The following ARFGAP1 variants were observed in gnomAD, a reference collection of about 807,000 sequenced individuals.
ARFGAP1 encodes ADP-ribosylation factor GTPase-activating protein 1.
A neutral mutation model predicts 54.0 loss-of-function variants in ARFGAP1; 26 were observed. The ratio of observed to expected loss-of-function variants is 0.48; its 90% CI spans 0.35 to 0.67. ARFGAP1 has a LOEUF of 0.67. Among genes scored for constraint, ARFGAP1 ranks in the 30% least tolerant of loss-of-function variants. The pLI, the probability that ARFGAP1 is intolerant of heterozygous loss-of-function variation, is 0.00. For missense variants in ARFGAP1, 525 were observed against 535.8 expected, an observed-to-expected ratio of 0.98 and a Z score of 0.20; for synonymous variants, 248 against 211.9, an observed-to-expected ratio of 1.17 and a Z score of -1.48.
In ARFGAP1 at chr20:63,284,816, T is replaced by G. The variant is rs1343921197; in HGVS notation, c.718-50T>G. 4 of 1,607,680 alleles carry G rather than the reference T, an allele frequency of 2.5e-6. No individual in the cohort carries two copies. The African/African-American group carries it at 5.3e-5, about 21-fold the overall frequency. ...GGCCTGTGCTGCCACTGCCGACCCGTGTCCCGTGGTGGAGCTGTCGTGGGG... is the reference window on the plus strand; with the variant it reads ...GGCCTGTGCTGCCACTGCCGACCCGGGTCCCGTGGTGGAGCTGTCGTGGGG... On this transcript the variant is annotated intron_variant, in intron 9 of 12. Coordinates refer to ENST00000370283, the MANE Select transcript of ARFGAP1 (RefSeq NM_018209.4).
At chr20:63,286,155 G>C in intron 11 of ARFGAP1, 1 of 1,550,268 alleles carries the variant, frequency 6.5e-7, no homozygotes, top group East Asian at 2.4e-5. Flanking sequence ...GCACGAGGCT[G>C]TCCTCGCTGC....
Position 63,284,880 on chromosome 20 carries a change from C to A in ARFGAP1, c.732C>A (p.Gly244=), listed in dbSNP as rs2067485204. ...CCTTCCTACAGGCGTCCGAGCTGGG[C>A]CACAGCCTGAACGAGAACGTCCTCA... ...SQASQKASEL[G]HSLNENVLKP... is the part of the protein sequence containing the mutation. Residue 244 remains glycine (G), a synonymous_variant, in exon 10 of 13, where the codon GGC becomes GGA. Transcript: ENST00000370283. The A allele has an allele frequency of 6.2e-7, 1 of 1,612,912 alleles. No individual in the cohort carries two copies. Among genetic ancestry groups the A allele is most frequent in the South Asian group, 1.1e-5 (1 of 91,082 alleles).
At chr20:63,286,246 T>C in intron 11 of ARFGAP1, 120 bp from the exon 12 acceptor site, 2 of 1,555,534 alleles carry the variant, frequency 1.3e-6, no homozygotes, top group Admixed American at 3.8e-5. Context: ...ACCCCTTGTT[T>C]CTGGATTTTG....
intron 5 of ARFGAP1, among the ~76,000 whole-genome samples, chr20:63,277,641 C>A (rs1194080967): frequency 6.6e-6 from 1 of 152,186 alleles, no homozygotes; most frequent in Non-Finnish European, 1.5e-5. Context: ...CTGCCTGTGG[C>A]ACTGGCCCTG....
At position 63,288,619 on chromosome 20, in the gene ARFGAP1, G is replaced by T. The variant is rs761999875; in HGVS notation, c.*746G>T. The T allele has an allele frequency of 9.3e-6, 4 of 428,590 alleles. No individual in the cohort carries two copies. The highest frequency in any genetic ancestry group is 1.9e-5 in the Non-Finnish European group (4 of 210,728). The allele number at this position is 428,590 out of a possible 1,614,324, so 26.5% of individuals were successfully genotyped here. On this transcript the variant is annotated 3_prime_UTR_variant, in exon 13 of 13. Coordinates refer to ENST00000370283, the MANE Select transcript of ARFGAP1 (RefSeq NM_018209.4). ...AAAAAGGAGCGCAGGGTGGGCCCTCGGCCCTGATGCAGGAGGGTGCGATAG... is the reference window on the plus strand; with the variant it reads ...AAAAAGGAGCGCAGGGTGGGCCCTCTGCCCTGATGCAGGAGGGTGCGATAG...
chr20:63,281,501 A>G (rs1026753587), intron 8 of ARFGAP1, among the ~76,000 whole-genome samples, 154 bp downstream of exon 8: 3 of 152,194 alleles, frequency 2.0e-5, no homozygotes, highest in African/African-American at 7.2e-5. Flanking sequence ...AGTACCAGCC[A>G]GGGTGGTCCT....
At chr20:63,274,599 G>A (rs1229636782) in intron 1 of ARFGAP1, among the ~76,000 whole-genome samples, 1 of 152,014 alleles carries the variant, frequency 6.6e-6, no homozygotes. Flanking sequence ...TTCATATTGA[G>A]AGGTGGATGA....
At chr20:63,283,259 CTT>C (rs1421429826) in intron 9 of ARFGAP1, 1 of 251,762 alleles carries the variant, frequency 4.0e-6, no homozygotes, top group Non-Finnish European at 7.7e-6. Flanking sequence ...CGGAGCGTCT[CTT>C]TGCTCTGGCC....
At chr20:63,275,925 A>G (rs1168999092) in intron 2 of ARFGAP1, among the ~76,000 whole-genome samples, 166 bp from the exon 3 acceptor site, 5 of 151,886 alleles carry the variant, frequency 3.3e-5, no homozygotes, top group African/African-American at 4.8e-5. Context: ...CCATCTGAAC[A>G]TTTTATTACA....
Position 63,284,782 on chromosome 20 carries a change from CCCTTTGCTGG to C in ARFGAP1, c.718-80_718-71del. The C allele has an allele frequency of 1.9e-6, 3 of 1,578,878 alleles. No homozygotes were observed. In the South Asian group the frequency reaches 3.4e-5, roughly 18 times the overall value. On this transcript the variant is annotated intron_variant, in intron 9 of 12. Transcript: ENST00000370283. ...CCTCCTGCTGGTGAAGCTCGTGCTG[CCCTTTGCTGG>C]CCTGTGCTGCCACTGCCGACCCGTG...
chr20:63,278,877 C>T, intron 6 of ARFGAP1, 22 bp from the exon 7 acceptor site: 1 of 1,613,238 alleles, frequency 6.2e-7, no homozygotes, highest in Non-Finnish European at 8.5e-7. Flanking sequence ...CATCTTCGGC[C>T]TCTTGTCCGC....
In ARFGAP1 at chr20:63,289,541, CG is replaced by C. The variant is rs1412264397; in HGVS notation, c.*1670del. ...GGTGCCTTCCTCGGGGGTAGGGGGACGGCCCACTCTGCCCCAGGGAGTCCCT... is the reference window on the plus strand; with the variant it reads ...GGTGCCTTCCTCGGGGGTAGGGGGACGCCCACTCTGCCCCAGGGAGTCCCT... On this transcript the variant is annotated 3_prime_UTR_variant, in exon 13 of 13. Coordinates refer to ENST00000370283, the MANE Select transcript of ARFGAP1 (RefSeq NM_018209.4). The C allele has an allele frequency of 6.6e-6, 1 of 152,302 alleles. No individual in the cohort carries two copies. The highest frequency in any genetic ancestry group is 1.5e-5 in the Non-Finnish European group (1 of 68,130). 9.4% of individuals were successfully genotyped at this position (152,302 alleles called of 1,614,324 possible).
rs112403271 is a variant in ARFGAP1, at chr20:63,284,868, G to A, written c.720G>A (p.Ala240=). The A allele has an allele frequency of 9.5e-5, 154 of 1,612,780 alleles. No homozygotes were observed. The highest frequency in any genetic ancestry group is 4.4e-4 in the African/African-American group (33 of 75,034). Residue 240 remains alanine (A), a splice_region_variant and synonymous_variant, in exon 10 of 13, where the codon GCG becomes GCA. Transcript: ENST00000370283. ...TCACGTGACTTCCCTTCCTACAGGC[G>A]TCCGAGCTGGGCCACAGCCTGAACG... ...TKFGSQASQK[A]SELGHSLNEN...
At chr20:63,281,201 C>T (rs41283000) in intron 7 of ARFGAP1, 90 bp from the exon 8 acceptor site, 773 of 1,410,820 alleles carry the variant, frequency 5.5e-4, no homozygotes, top group Non-Finnish European at 7.1e-4. Flanking sequence ...CAGCCTCTGC[C>T]TTGGTCCTCT....
At position 63,276,680 on chromosome 20, in the gene ARFGAP1, C is replaced by A. The variant is rs758789638; in HGVS notation, c.342+29C>A. 1 of 1,580,458 alleles carries A rather than the reference C, an allele frequency of 6.3e-7. No homozygotes were observed. Among genetic ancestry groups the A allele is most frequent in the Non-Finnish European group, 8.6e-7 (1 of 1,161,264 alleles). On this transcript the variant is annotated intron_variant, in intron 4 of 12. Transcript: ENST00000370283. This position sits in a 1 kb window ranked among gnomAD's most constrained non-coding sequence, Gnocchi z 5.2. Reference sequence around the variant, plus strand: ...GAGATGGGCCCGATTCACTCTTGCCCATGGTGTGGGGCTGCCCTGCCGTTT... The same window carrying A: ...GAGATGGGCCCGATTCACTCTTGCCAATGGTGTGGGGCTGCCCTGCCGTTT...
chr20:63,278,564 C>A, intron 6 of ARFGAP1: 1 of 462,492 alleles, frequency 2.2e-6, no homozygotes. Context: ...AGAAGAAAAG[C>A]ATAACACATT....
chr20:63,274,863 A>G (rs1043508727), intron 1 of ARFGAP1, among the ~76,000 whole-genome samples: 7 of 152,208 alleles, frequency 4.6e-5, no homozygotes, highest in African/African-American at 1.7e-4. Context: ...AGAGACATCC[A>G]TAGGTTTTCT....
chr20:63,277,347 T>G, intron 5 of ARFGAP1, 42 bp downstream of exon 5: 1 of 1,523,322 alleles, frequency 6.6e-7, no homozygotes, highest in Non-Finnish European at 8.9e-7. Context: ...TTCCACTGGG[T>G]CCTGAACTTA....
chr20:63,277,626 C>T (rs1470433607), intron 5 of ARFGAP1, among the ~76,000 whole-genome samples: 10 of 152,162 alleles, frequency 6.6e-5, no homozygotes, highest in Non-Finnish European at 1.2e-4. Context: ...CCCAGAGTTG[C>T]CCATCTGCCT....
Sources: allele counts gnomAD v4.1 joint callset (sites outside exome capture counted in the v4.1 genomes callset), GRCh38; gene constraint gnomAD v4.1.1; non-coding constraint Gnocchi (gnomAD v3.1); transcripts MANE v1.5; gene names NCBI Gene and HGNC (gene_info 2026-07-23, HGNC 2026-07-21).